The following NAA25 variants were observed in gnomAD, a reference collection of about 807,000 sequenced individuals.
The protein encoded by NAA25 is N-terminal acetyltransferase B complex subunit NAA25.
Under a neutral mutation model 132.5 loss-of-function variants are expected in NAA25, and 30 were observed. The observed-to-expected ratio is 0.23, with a 90% CI of 0.17 to 0.31. The LOEUF is 0.31. Among genes scored for constraint, NAA25 ranks in the 10% least tolerant of loss-of-function variants. NAA25 has a pLI of 1.00. For synonymous variants in NAA25, 359 were observed against 401.9 expected (o/e 0.89, Z 1.28); for missense variants, 771 against 1,150.4 (o/e 0.67, Z 4.77).
Position 112,074,776 on chromosome 12 carries a change from T to C in NAA25, c.777-12A>G, listed in dbSNP as rs1364847737. The C allele has an allele frequency of 6.4e-7, 1 of 1,573,002 alleles. No homozygotes were observed. Among genetic ancestry groups the C allele is most frequent in the Non-Finnish European group, 8.7e-7 (1 of 1,146,530 alleles). On this transcript the variant is annotated splice_polypyrimidine_tract_variant and intron_variant, in intron 8 of 23. Transcript: ENST00000261745. The stretch of plus-strand genomic sequence containing the variant: ...GCCAGTCATCTGAGCTAAAATCAGA[T>C]TGAATGATGCACACAGGATTAAACC...
intron 9 of NAA25, among the ~76,000 whole-genome samples, chr12:112,073,124 G>A (rs1038681613): frequency 6.6e-6 from 1 of 151,654 alleles, no homozygotes; most frequent in Non-Finnish European, 1.5e-5. Flanking sequence ...GTCCCAAGCT[G>A]CTTTTGGGGC....
chr12:112,101,273 G>A (rs570319086), intron 1 of NAA25, among the ~76,000 whole-genome samples: 59 of 152,216 alleles, frequency 3.9e-4, no homozygotes, highest in African/African-American at 1.4e-3. Flanking sequence ...GATGTGTACT[G>A]TCATTTCAAG....
At position 112,028,891 on chromosome 12, in the gene NAA25, TG is replaced by T. The variant is rs1459418739; in HGVS notation, c.*639del. 2 of 152,348 alleles carry T rather than the reference TG, an allele frequency of 1.3e-5. No individual in the cohort carries two copies. Among genetic ancestry groups the T allele is most frequent in the East Asian group, 3.9e-4 (2 of 5,186 alleles). 9.4% of individuals were successfully genotyped at this position (152,348 alleles called of 1,614,324 possible). On this transcript the variant is annotated 3_prime_UTR_variant, in exon 24 of 24. Transcript: ENST00000261745. ...ACTCTCACAGAAGCTAGGATGGGGATGTCTTAACTATCAGACAAAAACTAGC... is the reference window on the plus strand; with the variant it reads ...ACTCTCACAGAAGCTAGGATGGGGATTCTTAACTATCAGACAAAAACTAGC...
intron 11 of NAA25, among the ~76,000 whole-genome samples, chr12:112,062,691 A>T (rs1027908703): frequency 6.6e-6 from 1 of 151,720 alleles, no homozygotes; most frequent in Non-Finnish European, 1.5e-5. Context: ...GCACCACTGT[A>T]CTCCAGCCTG....
At chr12:112,100,962 A>T (rs1436171995) in intron 1 of NAA25, among the ~76,000 whole-genome samples, 1 of 152,074 alleles carries the variant, frequency 6.6e-6, no homozygotes, top group Non-Finnish European at 1.5e-5. Context: ...CTTAAAATGG[A>T]TTACAAAGCT....
Position 112,029,554 on chromosome 12 carries a change from T to C in NAA25, c.2896A>G (p.Thr966Ala). The change falls in exon 24 of 24, where the codon ACC becomes GCC. Residue 966 changes from threonine to alanine, a missense_variant. Transcript: ENST00000261745. Reference protein sequence around the residue: ...MGELLKKRLETTKKLKI With the variant: ...MGELLKKRLEATKKLKI Reference sequence around the variant, plus strand: ...CCTTAAATTTTTAGTTTCTTTGTGGTCTCAAGTCTTTTTTTCAGCAGCTCC... The same window carrying C: ...CCTTAAATTTTTAGTTTCTTTGTGGCCTCAAGTCTTTTTTTCAGCAGCTCC... The C allele has an allele frequency of 1.2e-6, 2 of 1,614,096 alleles. No individual in the cohort carries two copies. Among genetic ancestry groups the C allele is most frequent in the Non-Finnish European group, 1.7e-6 (2 of 1,179,992 alleles).
Position 112,033,330 on chromosome 12 carries a change from A to G in NAA25, c.2699T>C (p.Leu900Ser). 1.2e-6 allele frequency: 2 copies of G among 1,613,472 alleles called. No homozygotes were observed. The highest frequency in any genetic ancestry group is 2.2e-5 in the South Asian group (2 of 90,932). Residue 900 changes from leucine to serine, a missense_variant, in exon 23 of 24, where the codon TTA becomes TCA. Coordinates refer to ENST00000261745, the MANE Select transcript of NAA25 (RefSeq NM_024953.4). ...AATATGATCCACAACATTGGAAATT[A>G]AAGTCTGAAGCCCAGTAACATAGTC... is the stretch of plus-strand genomic sequence containing the variant. ...FQDYVTGLQT[L>S]ISNVVDHIKG...
intron 11 of NAA25, among the ~76,000 whole-genome samples, chr12:112,068,064 A>T (rs779345139): frequency 2.6e-5 from 4 of 151,892 alleles, no homozygotes; most frequent in Non-Finnish European, 5.9e-5. Context: ...TAAGAGACAG[A>T]GTCTCACTCT....
chr12:112,058,252 A>G (rs2078575974), intron 13 of NAA25, among the ~76,000 whole-genome samples: 2 of 152,192 alleles, frequency 1.3e-5, no homozygotes, highest in African/African-American at 2.4e-5. Flanking sequence ...TAAAATCAAG[A>G]CAGGCTTTGT....
At chr12:112,062,400 CAAA>C (rs750872314) in intron 11 of NAA25, among the ~76,000 whole-genome samples, 3 of 84,352 alleles carry the variant, frequency 3.6e-5, no homozygotes, top group Admixed American at 1.3e-4. Context: ...GACTCCATCT[CAAA>C]AAAAAAAAAA....
chr12:112,042,081 G>T lies in NAA25; in HGVS notation c.2398C>A (p.Arg800=), dbSNP rs749811894. Residue 800 remains arginine, a synonymous_variant, in exon 20 of 24, where the codon CGA becomes AGA. Transcript: ENST00000261745. ...GLEDTMEIQE[R]IENSFKSLLD... is the part of the protein sequence containing the mutation. ...AAAGACTTAAAACTATTTTCTATTC[G>T]TTCCTGAATCTCCATTGTATCCTCT... 16 of 1,484,710 alleles carry T rather than the reference G, an allele frequency of 1.1e-5. No homozygotes were observed. In the East Asian group the frequency reaches 4.2e-4, roughly 39 times the overall value. 92.0% of individuals were successfully genotyped at this position (1,484,710 alleles called of 1,614,324 possible).
chr12:112,095,395 C>T (rs546963424), intron 1 of NAA25, among the ~76,000 whole-genome samples: 30 of 151,640 alleles, frequency 2.0e-4, no homozygotes, highest in African/African-American at 6.5e-4. Flanking sequence ...TGAGATCGCG[C>T]CACTGCACTC....
rs761094966 is a variant in NAA25 at position 112,087,751 on chromosome 12, T to A, written c.334A>T (p.Ser112Cys). 6.2e-7 allele frequency: 1 copy of A among 1,614,142 alleles called. No homozygotes were observed. Among genetic ancestry groups the A allele is most frequent in the Non-Finnish European group, 8.5e-7 (1 of 1,179,988 alleles). ...YEAAVKKVPN[S>C]EEYHSHLFMA... ...AAGAGGTGAGAGTGATACTCCTCAC[T>A]ATTGGGAACTTTCTTCACAGCTGCC... Residue 112 changes from serine to cysteine, a missense_variant, in exon 4 of 24, where the codon AGT (serine) becomes TGT (cysteine). This residue lies in a region of NAA25 where 417 missense variants were observed against 733.8 expected (regional missense o/e 0.57). Coordinates refer to ENST00000261745, the MANE Select transcript of NAA25 (RefSeq NM_024953.4).
intron 17 of NAA25, 81 bp downstream of exon 17, chr12:112,047,584 T>G: frequency 3.7e-5 from 55 of 1,506,486 alleles, no homozygotes; most frequent in Non-Finnish European, 4.5e-5. Context: ...GAAGCTGCAG[T>G]GAGCTATGAT....
chr12:112,029,755 T>C (rs964123985), intron 23 of NAA25, 102 bp from the exon 24 acceptor site: 48 of 1,493,668 alleles, frequency 3.2e-5, no homozygotes, highest in African/African-American at 5.6e-5. Flanking sequence ...TTTGGTCTCA[T>C]TGCAAGCTCC....
chr12:112,079,879 C>A (rs919688204), intron 5 of NAA25, among the ~76,000 whole-genome samples: 4 of 152,134 alleles, frequency 2.6e-5, no homozygotes, highest in Non-Finnish European at 5.9e-5. Flanking sequence ...GTTGTAATAT[C>A]AAACATTTCA....
chr12:112,077,978 C>T (rs899646833), intron 7 of NAA25, among the ~76,000 whole-genome samples: 7 of 151,752 alleles, frequency 4.6e-5, no homozygotes, highest in Non-Finnish European at 1.0e-4. Flanking sequence ...TATAACCTTT[C>T]ACACTCCTTG....
chr12:112,098,389 A>C (rs906726989), intron 1 of NAA25, among the ~76,000 whole-genome samples: 1 of 152,192 alleles, frequency 6.6e-6, no homozygotes, highest in African/African-American at 2.4e-5. Flanking sequence ...TCCTGGACCT[A>C]GGAGAGTGTG....
intron 23 of NAA25, among the ~76,000 whole-genome samples, chr12:112,030,944 A>AT (rs76808707): frequency 0.21 from 31,123 of 146,932 alleles, 5,334 homozygotes; most frequent in East Asian, 0.61. Context: ...TGAATTTAAA[A>AT]TTTTTTTTTT....
Sources: gnomAD v4.1 joint callset for allele counts (sites outside exome capture counted in the v4.1 genomes callset) on GRCh38, gnomAD v4.1.1 for gene constraint, gnomAD v4.1.1 regional missense constraint, MANE v1.5 for transcripts, NCBI Gene and HGNC (gene_info 2026-07-23, HGNC 2026-07-21) for gene names.